NKAIN2: variants seen among roughly 807,000 people sequenced by gnomAD.
NKAIN2 encodes sodium/potassium-transporting ATPase subunit beta-1-interacting protein 2.
NKAIN2 carries 14 observed loss-of-function variants against 32.6 expected under a neutral mutation model. The observed-to-expected ratio is 0.43, with a 90% CI of 0.28 to 0.67. The LOEUF (loss-of-function observed/expected upper bound fraction) is 0.67, where lower values mean the gene tolerates loss of function less well. Ranked by LOEUF, NKAIN2 falls within the 30% of genes least tolerant of loss-of-function variation. The pLI, the probability that NKAIN2 is intolerant of heterozygous loss-of-function variation, is 0.17. For missense variants in NKAIN2, 198 were observed against 258.3 expected, an observed-to-expected ratio of 0.77 and a Z score of 1.60; for synonymous variants, 80 against 87.2, an observed-to-expected ratio of 0.92 and a Z score of 0.46.
chr6:124,673,550 GGTT>G (rs1187836310), intron 4 of NKAIN2, among the ~76,000 whole-genome samples: 1 of 151,992 alleles, frequency 6.6e-6, no homozygotes. Flanking sequence ...TTTTCTGTTT[GGTT>G]GTTGTTGTTG....
At chr6:124,311,764 G>C (rs1424654633) in intron 2 of NKAIN2, among the ~76,000 whole-genome samples, 1 of 152,146 alleles carries the variant, frequency 6.6e-6, no homozygotes, top group Non-Finnish European at 1.5e-5. Context: ...AGTGTCTTAA[G>C]AGACCTGGTT....
chr6:124,483,202 G>T (rs1777525168), intron 3 of NKAIN2, among the ~76,000 whole-genome samples: 1 of 151,992 alleles, frequency 6.6e-6, no homozygotes, highest in African/African-American at 2.4e-5. Context: ...ATTGTAAAAT[G>T]CTTCTATTAT....
chr6:124,272,154 G>A (rs948963282), intron 1 of NKAIN2, among the ~76,000 whole-genome samples: 2 of 152,190 alleles, frequency 1.3e-5, no homozygotes, highest in African/African-American at 4.8e-5. Flanking sequence ...AAGTAACAAG[G>A]AGCCAAGTGT....
intron 1 of NKAIN2, among the ~76,000 whole-genome samples, chr6:124,092,226 G>A (rs1247928985): frequency 6.6e-6 from 1 of 151,836 alleles, no homozygotes; most frequent in African/African-American, 2.4e-5. Context: ...TTTTTGTCAG[G>A]GGTTGAAGTG....
chr6:124,085,051 G>A (rs749919116), intron 1 of NKAIN2, among the ~76,000 whole-genome samples: 10 of 151,984 alleles, frequency 6.6e-5, no homozygotes, highest in Non-Finnish European at 1.5e-4. Flanking sequence ...AATAACAAAT[G>A]CTGTAAATAG....
At chr6:124,483,016 G>A (rs1777515599) in intron 3 of NKAIN2, among the ~76,000 whole-genome samples, 1 of 151,842 alleles carries the variant, frequency 6.6e-6, no homozygotes, top group African/African-American at 2.4e-5. Context: ...CAGCTACTCG[G>A]GAGGCTGAGG....
At chr6:124,669,339 G>A (rs1332608416) in intron 4 of NKAIN2, among the ~76,000 whole-genome samples, 1 of 152,142 alleles carries the variant, frequency 6.6e-6, no homozygotes, top group Non-Finnish European at 1.5e-5. Context: ...GTGAGTCAAA[G>A]TCTTTGCTGT....
At chr6:124,507,963 C>A (rs186613722) in intron 3 of NKAIN2, among the ~76,000 whole-genome samples, 267 of 152,122 alleles carry the variant, frequency 1.8e-3, no homozygotes, top group Non-Finnish European at 2.9e-3. Context: ...GGTAAAAACA[C>A]CCAATTAGGC....
chr6:124,419,943 CT>C (rs138192854), intron 3 of NKAIN2, among the ~76,000 whole-genome samples: 2 of 151,778 alleles, frequency 1.3e-5, no homozygotes, highest in South Asian at 2.1e-4. Flanking sequence ...AGATTTCTTC[CT>C]TTTTTTTCCC....
chr6:124,068,081 A>C lies in NKAIN2; in HGVS notation c.55-214924A>C, dbSNP rs976808131. ...GAACTGAGGTATGTAGAGTTTTAAT[A>C]ACTTAAGTTTATGTAGTTAGTAAGT... is the stretch of plus-strand genomic sequence containing the variant. On this transcript the variant is annotated intron_variant, in intron 1 of 6. Transcript: ENST00000368417. 2.0e-5 allele frequency among the ~76,000 whole-genome samples: 3 copies of C among 152,186 alleles called. No homozygotes were observed. In the East Asian group the frequency reaches 5.8e-4, roughly 29 times the overall value.
At chr6:124,721,048 C>A (rs1348679028) in intron 4 of NKAIN2, among the ~76,000 whole-genome samples, 1 of 152,174 alleles carries the variant, frequency 6.6e-6, no homozygotes, top group African/African-American at 2.4e-5. Context: ...CTGAAAACTT[C>A]CAACAAAGCA....
intron 3 of NKAIN2, among the ~76,000 whole-genome samples, chr6:124,459,293 C>G (rs1293806290): frequency 6.6e-6 from 1 of 151,846 alleles, no homozygotes; most frequent in African/African-American, 2.4e-5. Flanking sequence ...GTTCCTGGCT[C>G]TATGGCTTAC....
At chr6:124,499,777 G>A (rs1778212443) in intron 3 of NKAIN2, among the ~76,000 whole-genome samples, 1 of 152,174 alleles carries the variant, frequency 6.6e-6, no homozygotes, top group South Asian at 2.1e-4. Context: ...GTCTGAGCCA[G>A]GAATTCCCAA....
intron 1 of NKAIN2, among the ~76,000 whole-genome samples, chr6:124,220,897 G>A (rs1245064327): frequency 2.0e-5 from 3 of 151,988 alleles, no homozygotes; most frequent in Non-Finnish European, 2.9e-5. Context: ...AACTCTTCAC[G>A]TATTTAGATT....
chr6:124,067,913 A>C (rs1272474170), intron 1 of NKAIN2, among the ~76,000 whole-genome samples: 2 of 152,198 alleles, frequency 1.3e-5, no homozygotes, highest in African/African-American at 4.8e-5. Flanking sequence ...AAACAAAGCA[A>C]AATCTAGTGA....
At chr6:124,543,362 C>T (rs1246526176) in intron 3 of NKAIN2, among the ~76,000 whole-genome samples, 2 of 152,122 alleles carry the variant, frequency 1.3e-5, no homozygotes, top group African/African-American at 2.4e-5. Context: ...ACTCATTATA[C>T]ACTTAATTTC....
At chr6:124,130,299 A>G (rs1050445096) in intron 1 of NKAIN2, among the ~76,000 whole-genome samples, 4 of 152,286 alleles carry the variant, frequency 2.6e-5, no homozygotes, top group African/African-American at 9.6e-5. Flanking sequence ...TGCAACTTTG[A>G]TAATGTTCTT....
chr6:124,091,390 AAAT>A (rs1784413141), intron 1 of NKAIN2, among the ~76,000 whole-genome samples: 1 of 152,002 alleles, frequency 6.6e-6, no homozygotes, highest in African/African-American at 2.4e-5. Context: ...TTTATATCAA[AAAT>A]ATGAATGTTT....
intron 1 of NKAIN2, among the ~76,000 whole-genome samples, chr6:124,272,184 GA>G (rs2114881354): frequency 6.6e-6 from 1 of 152,314 alleles, no homozygotes; most frequent in South Asian, 2.1e-4. Flanking sequence ...AGACAATGGG[GA>G]AAATGTCTCC....
Sources: gnomAD v4.1 joint callset for allele counts (sites outside exome capture counted in the v4.1 genomes callset) on GRCh38, gnomAD v4.1.1 for gene constraint, MANE v1.5 for transcripts, NCBI Gene and HGNC (gene_info 2026-07-23, HGNC 2026-07-21) for gene names.